Variants in SIGIRR observed in about 807,000 individuals in gnomAD.
SIGIRR encodes the protein single Ig IL-1-related receptor.
In SIGIRR, 41 loss-of-function variants were observed where a neutral mutation model predicts 45.6. That is an observed-to-expected ratio of 0.90 (90% confidence interval 0.70 to 1.17). SIGIRR has a LOEUF of 1.17. Among genes scored for constraint, SIGIRR ranks in the 50% most tolerant of loss-of-function variants. SIGIRR has a pLI of 0.00. For missense variants in SIGIRR, 599 were observed against 539.6 expected (o/e 1.11, Z -1.09); for synonymous variants, 298 against 239.0 (o/e 1.25, Z -2.28).
In SIGIRR at chr11:405,836, G is replaced by A. The variant is rs1028920485; in HGVS notation, c.*60C>T. 1.2e-5 allele frequency: 19 copies of A among 1,521,666 alleles called. No individual in the cohort carries two copies. The East Asian group carries it at 3.0e-4, about 24-fold the overall frequency. 94.3% of individuals were successfully genotyped at this position (1,521,666 alleles called of 1,614,324 possible). ...AGGGGTTGTGGTCCTGTTGAGCAGAGGAGCGACGCCGCTGCCCTGGCCCCC... is the reference window on the plus strand; with the variant it reads ...AGGGGTTGTGGTCCTGTTGAGCAGAAGAGCGACGCCGCTGCCCTGGCCCCC... On this transcript the variant is annotated 3_prime_UTR_variant, in exon 10 of 10. Transcript: ENST00000431843.
chr11:407,289 T>G (rs1320040526), intron 6 of SIGIRR, 125 bp from the exon 7 acceptor site: 12 of 704,202 alleles, frequency 1.7e-5, no homozygotes, highest in Non-Finnish European at 2.4e-5. Flanking sequence ...GGGCGGGTTT[T>G]TGAGGCGGGG....
Position 413,313 on chromosome 11 carries a change from TG to T in SIGIRR, c.-154+1509del, listed in dbSNP as rs530238317. 8.5e-5 allele frequency among the ~76,000 whole-genome samples: 13 copies of T among 152,158 alleles called. No homozygotes were observed. The East Asian group carries it at 2.5e-3, about 29-fold the overall frequency. ...CGATACAGCATGAGGCACACACCCATGGGGGATGGCCAGGGGGTCCTTGAAG... is the reference window on the plus strand; with the variant it reads ...CGATACAGCATGAGGCACACACCCATGGGGATGGCCAGGGGGTCCTTGAAG... On this transcript the variant is annotated intron_variant, in intron 1 of 9. Coordinates refer to ENST00000431843, the MANE Select transcript of SIGIRR (RefSeq NM_001135054.2).
intron 1 of SIGIRR, among the ~76,000 whole-genome samples, chr11:410,743 C>T (rs1319824655): frequency 2.3e-5 from 1 of 42,662 alleles, no homozygotes; most frequent in Non-Finnish European, 4.0e-5. Flanking sequence ...TGGATGCAGT[C>T]GGGGGGTGCC....
intron 5 of SIGIRR, 39 bp from the exon 6 acceptor site, chr11:407,607 C>A (rs772053388): frequency 6.3e-6 from 10 of 1,595,818 alleles, no homozygotes; most frequent in Middle Eastern, 1.7e-4. Context: ...GCTCCCGAGG[C>A]CTCACACCAG....
chr11:408,024 A>C, intron 4 of SIGIRR, 49 bp downstream of exon 4: 1 of 1,608,452 alleles, frequency 6.2e-7, no homozygotes, highest in Non-Finnish European at 8.5e-7. Context: ...CCTGGGCCTC[A>C]CTAGGTCTAG....
At chr11:408,281 C>T (rs571812216) in intron 3 of SIGIRR, 75 bp from the exon 4 acceptor site, 1 of 1,559,844 alleles carries the variant, frequency 6.4e-7, no homozygotes, top group South Asian at 1.2e-5. Flanking sequence ...TGTCTGGGTT[C>T]ACCCAGGGAG....
At position 414,763 on chromosome 11, in the gene SIGIRR, G is replaced by A. The variant is rs894783294; in HGVS notation, c.-154+60C>T. On this transcript the variant is annotated intron_variant, in intron 1 of 9. Coordinates refer to ENST00000431843, the MANE Select transcript of SIGIRR (RefSeq NM_001135054.2). The stretch of plus-strand genomic sequence containing the variant: ...ATGCATATGGGTCTTGGGCGCCGTG[G>A]GCCTCCTCTCAGCCAGGCCCTGACA... 3 of 975,020 alleles carry A rather than the reference G, an allele frequency of 3.1e-6. No homozygotes were observed. The African/African-American group carries it at 5.3e-5, about 17-fold the overall frequency. 60.4% of individuals were successfully genotyped at this position (975,020 alleles called of 1,614,324 possible).
intron 1 of SIGIRR, among the ~76,000 whole-genome samples, chr11:410,748 G>A (rs2133636008): frequency 1.3e-5 from 1 of 74,978 alleles, no homozygotes; most frequent in Non-Finnish European, 2.7e-5. Context: ...GCAGTCGGGG[G>A]GTGCCCAGCT....
At chr11:413,016 G>T (rs753039302) in intron 1 of SIGIRR, among the ~76,000 whole-genome samples, 6 of 152,126 alleles carry the variant, frequency 3.9e-5, no homozygotes, top group Non-Finnish European at 8.8e-5. Flanking sequence ...AGGGCCCCAG[G>T]GGCCTCTCCT....
At chr11:409,844 C>T (rs766520528) in intron 2 of SIGIRR, 24 bp downstream of exon 2, 1 of 1,360,940 alleles carries the variant, frequency 7.3e-7, no homozygotes. Context: ...GGAATTCAAG[C>T]CCATCCCTCT....
At position 414,840 on chromosome 11, in the gene SIGIRR, C is replaced by T. The variant is rs1473646918; in HGVS notation, c.-171G>A. ...GCAGTCACCTGGTTCCAGTTCTTTC[C>T]TCCGGGGGGCAAATGTTGGTCATTG... On this transcript the variant is annotated 5_prime_UTR_variant, in exon 1 of 10. Coordinates refer to ENST00000431843, the MANE Select transcript of SIGIRR (RefSeq NM_001135054.2). 4.1e-6 allele frequency: 4 copies of T among 985,466 alleles called. No individual in the cohort carries two copies. Among genetic ancestry groups the T allele is most frequent in the Non-Finnish European group, 4.8e-6 (4 of 830,044 alleles). 61.0% of individuals were successfully genotyped at this position (985,466 alleles called of 1,614,324 possible).
rs1451407336 is a variant in SIGIRR at position 408,179 on chromosome 11, A to C, written c.234T>G (p.Leu78=). ...SWVKANLSEV[L]VSSVLGVNVT... is the part of the protein sequence containing the mutation. ...CGTTGACCCCCAGGACACTGGACAC[A>C]AGCACCTCTGACAGGTTGGCCTTGA... The change falls in exon 4 of 10, where the codon CTT becomes CTG. Residue 78 remains leucine (L), a synonymous_variant. Coordinates refer to ENST00000431843, the MANE Select transcript of SIGIRR (RefSeq NM_001135054.2). 7.4e-6 allele frequency: 12 copies of C among 1,612,540 alleles called. No homozygotes were observed. The highest frequency in any genetic ancestry group is 1.0e-5 in the Non-Finnish European group (12 of 1,179,934).
In SIGIRR at chr11:406,965, T is replaced by G. The variant is rs776760316; in HGVS notation, c.757A>C (p.Thr253Pro). 36 of 1,600,628 alleles carry G rather than the reference T, an allele frequency of 2.2e-5. No individual in the cohort carries two copies. The highest frequency in any genetic ancestry group is 2.9e-5 in the Non-Finnish European group (34 of 1,177,248). The change falls in exon 8 of 10, where the codon ACC (threonine) becomes CCC (proline). Residue 253 changes from threonine (T) to proline (P), a missense_variant. Transcript: ENST00000431843. ...AAGGTGATGAAGATGGGTCTGCGGG[T>G]GAGCTCCAGCAGCCGGCACAGGCCC... ...REGLCRLLEL[T>P]RRPIFITFEG...
In SIGIRR at chr11:405,802, G is replaced by A. The variant is rs527741189; in HGVS notation, c.*94C>T. 8.3e-6 allele frequency: 12 copies of A among 1,454,148 alleles called. No homozygotes were observed. The South Asian group carries it at 1.5e-4, about 18-fold the overall frequency. The allele number at this position is 1,454,148 out of a possible 1,614,324, so 90.1% of individuals were successfully genotyped here. A position where few individuals can be genotyped will look rare whatever the true frequency, so the allele number is the denominator to read the frequency against. ...CCAGGGCTGCTGGCAGGGTCCCAGGGCTGCTGGCAGGGGTTGTGGTCCTGT... is the reference window on the plus strand; with the variant it reads ...CCAGGGCTGCTGGCAGGGTCCCAGGACTGCTGGCAGGGGTTGTGGTCCTGT... On this transcript the variant is annotated 3_prime_UTR_variant, in exon 10 of 10. Transcript: ENST00000431843.
intron 2 of SIGIRR, 158 bp downstream of exon 2, chr11:409,710 A>C (rs988879012): frequency 3.8e-6 from 3 of 790,440 alleles, no homozygotes; most frequent in African/African-American, 3.7e-5. Flanking sequence ...TTTCAGGGCC[A>C]AGGGCCCAGT....
At chr11:407,202 G>T (rs1447588076) in intron 6 of SIGIRR, 38 bp from the exon 7 acceptor site, 4 of 993,810 alleles carry the variant, frequency 4.0e-6, no homozygotes, top group South Asian at 4.1e-5. Context: ...AGGGGCGGGG[G>T]CGGGGGAGGG....
At chr11:413,256 A>C (rs1847752370) in intron 1 of SIGIRR, among the ~76,000 whole-genome samples, 1 of 152,078 alleles carries the variant, frequency 6.6e-6, no homozygotes, top group African/African-American at 2.4e-5. Context: ...CAGAGGCCCC[A>C]GGTTTGACTG....
At chr11:415,551 C>G (rs1225831235), upstream of SIGIRR, among the ~76,000 whole-genome samples, 1 of 152,158 alleles carries the variant, frequency 6.6e-6, no homozygotes, top group East Asian at 1.9e-4. The surrounding 1 kb of genome is among the most constrained non-coding windows in gnomAD (Gnocchi z 6.6). Context: ...TTCAGAAACT[C>G]CCGGTCAACA....
rs748469290 is a variant in SIGIRR at position 407,437 on chromosome 11, G to A, written c.613C>T (p.Leu205=). 6 of 1,549,302 alleles carry A rather than the reference G, an allele frequency of 3.9e-6. No individual in the cohort carries two copies. The highest frequency in any genetic ancestry group is 2.0e-5 in the Admixed American group (1 of 51,162). ...YKLFLDDRDL[L]PRAEPSADLL... is the part of the protein sequence containing the mutation. ...GGGCCCGGGATACCAGCGCGCGGCAGGAGGTCGCGGTCGTCCAGGAAGAGC... is the reference window on the plus strand; with the variant it reads ...GGGCCCGGGATACCAGCGCGCGGCAAGAGGTCGCGGTCGTCCAGGAAGAGC... Residue 205 remains leucine (L), a synonymous_variant, in exon 6 of 10, where the codon CTG becomes TTG. Transcript: ENST00000431843.
Sources: allele counts gnomAD v4.1 joint callset (sites outside exome capture counted in the v4.1 genomes callset), GRCh38; gene constraint gnomAD v4.1.1; non-coding constraint Gnocchi (gnomAD v3.1); transcripts MANE v1.5; gene names NCBI Gene and HGNC (gene_info 2026-07-23, HGNC 2026-07-21).